Variants in KIAA1549 observed in about 807,000 individuals in gnomAD.
KIAA1549 encodes UPF0606 protein KIAA1549.
KIAA1549 carries 70 observed loss-of-function variants against 156.4 expected under a neutral mutation model. The observed-to-expected ratio is 0.45, with a 90% confidence interval of 0.37 to 0.55. The LOEUF (loss-of-function observed/expected upper bound fraction) is 0.55. Ranked by LOEUF, KIAA1549 falls within the 20% of genes least tolerant of loss-of-function variation. KIAA1549 has a pLI of 0.00. For synonymous variants in KIAA1549, 1,103 were observed against 1,066.4 expected (o/e 1.03, Z -0.67); for missense variants, 2,428 against 2,540.9 (o/e 0.96, Z 0.96).
chr7:138,887,344 G>A (rs1020286362), intron 10 of KIAA1549, among the ~76,000 whole-genome samples: 6 of 151,906 alleles, frequency 3.9e-5, no homozygotes, highest in South Asian at 4.2e-4. Flanking sequence ...TATTTAAAAC[G>A]TATTTAAATA....
Position 138,835,984 on chromosome 7 carries a change from TC to T in KIAA1549, c.*1921del. ...ACCAACTTCCCTCATATTGTAAGAC[TC>T]TAAATCTGTACAACAGGCTTCATTA... On this transcript the variant is annotated 3_prime_UTR_variant, in exon 20 of 20. Transcript: ENST00000422774. The T allele has an allele frequency of 4.7e-6, 1 of 211,574 alleles. No homozygotes were observed. The highest frequency in any genetic ancestry group is 9.6e-6 in the Non-Finnish European group (1 of 104,378). The allele number at this position is 211,574 out of a possible 1,614,324, so 13.1% of individuals were successfully genotyped here.
At chr7:138,975,849 G>A (rs978901205) in intron 1 of KIAA1549, among the ~76,000 whole-genome samples, 1 of 152,176 alleles carries the variant, frequency 6.6e-6, no homozygotes, top group Non-Finnish European at 1.5e-5. Context: ...GGCACTGATA[G>A]AAAACCTGTG....
At chr7:138,885,150 G>A (rs1045140129) in intron 10 of KIAA1549, among the ~76,000 whole-genome samples, 6 of 152,172 alleles carry the variant, frequency 3.9e-5, no homozygotes, top group Non-Finnish European at 8.8e-5. Context: ...AGCTGAGATC[G>A]AACCGTTGTA....
intron 19 of KIAA1549, 36 bp downstream of exon 19, chr7:138,840,096 TA>T: frequency 6.5e-7 from 1 of 1,534,684 alleles, no homozygotes; most frequent in Non-Finnish European, 8.8e-7. Flanking sequence ...GGCCTATGTC[TA>T]AATTTTAAAT....
intron 18 of KIAA1549, among the ~76,000 whole-genome samples, chr7:138,842,631 T>G (rs1809956415): frequency 6.6e-6 from 1 of 150,874 alleles, no homozygotes; most frequent in Admixed American, 6.6e-5. Context: ...AGGCGGAGGT[T>G]GCAGTGCGCC....
At chr7:138,871,070 G>GC (rs35334186) in intron 13 of KIAA1549, 87 bp downstream of exon 13, 16 of 1,280,384 alleles carry the variant, frequency 1.2e-5, no homozygotes, top group East Asian at 2.5e-5. Context: ...GCCTGCCTTG[G>GC]CCCCCCCAAG....
intron 12 of KIAA1549, among the ~76,000 whole-genome samples, chr7:138,877,884 A>G (rs748377232): frequency 1.1e-4 from 17 of 152,182 alleles, no homozygotes; most frequent in Non-Finnish European, 1.6e-4. Context: ...TTATTCTTAT[A>G]GAATATACTG....
intron 1 of KIAA1549, among the ~76,000 whole-genome samples, chr7:138,935,513 ATAATT>A (rs1313204606): frequency 6.6e-6 from 1 of 152,216 alleles, no homozygotes; most frequent in Admixed American, 6.5e-5. Flanking sequence ...TGTTTCTAAA[ATAATT>A]TAATTTAAAA....
intron 1 of KIAA1549, among the ~76,000 whole-genome samples, chr7:138,922,151 T>C (rs895469703): frequency 3.9e-5 from 6 of 152,234 alleles, no homozygotes; most frequent in African/African-American, 1.4e-4. Context: ...ATGTCTCAGC[T>C]CTGACTTTGT....
At position 138,835,686 on chromosome 7, in the gene KIAA1549, A is replaced by G. The variant is rs1809685898; in HGVS notation, c.*2220T>C. 4.6e-6 allele frequency: 1 copy of G among 217,878 alleles called. No individual in the cohort carries two copies. The highest frequency in any genetic ancestry group is 9.2e-6 in the Non-Finnish European group (1 of 108,534). 13.5% of individuals were successfully genotyped at this position (217,878 alleles called of 1,614,324 possible). A position where few individuals can be genotyped will look rare whatever the true frequency, so the allele number is the denominator to read the frequency against. On this transcript the variant is annotated 3_prime_UTR_variant, in exon 20 of 20. Transcript: ENST00000422774. ...AAATTCTTAATAACATATTCAGGAA[A>G]CCTGGTATTTTTGAGTGACATACAA...
At chr7:138,877,580 T>C (rs932593158) in intron 12 of KIAA1549, among the ~76,000 whole-genome samples, 1 of 152,246 alleles carries the variant, frequency 6.6e-6, no homozygotes, top group Non-Finnish European at 1.5e-5. Context: ...TAATTTTCTA[T>C]GCAAGCAATA....
chr7:138,835,565 C>A lies in KIAA1549; in HGVS notation c.*2341G>T, dbSNP rs537037842. Reference sequence around the variant, plus strand: ...ATGTGCAAGCCTGTATGGCCCTGAGCGGAACTGGGTGAGAAGGGGCCATTT... The same window carrying A: ...ATGTGCAAGCCTGTATGGCCCTGAGAGGAACTGGGTGAGAAGGGGCCATTT... On this transcript the variant is annotated 3_prime_UTR_variant, in exon 20 of 20. Coordinates refer to ENST00000422774, the MANE Select transcript of KIAA1549 (RefSeq NM_001164665.2). 2 of 223,924 alleles carry A rather than the reference C, an allele frequency of 8.9e-6. No homozygotes were observed. The highest frequency in any genetic ancestry group is 1.8e-4 in the South Asian group (1 of 5,444). 13.9% of individuals were successfully genotyped at this position (223,924 alleles called of 1,614,324 possible).
intron 10 of KIAA1549, among the ~76,000 whole-genome samples, chr7:138,890,000 G>C (rs1222542641): frequency 6.6e-6 from 1 of 152,162 alleles, no homozygotes; most frequent in Non-Finnish European, 1.5e-5. Flanking sequence ...GGTTTAATCA[G>C]TATTTTATAA....
At chr7:138,939,990 A>T (rs1813128979) in intron 1 of KIAA1549, among the ~76,000 whole-genome samples, 1 of 152,068 alleles carries the variant, frequency 6.6e-6, no homozygotes, top group East Asian at 1.9e-4. Flanking sequence ...CTACAAAAAA[A>T]ATTTTTTTTT....
intron 10 of KIAA1549, among the ~76,000 whole-genome samples, chr7:138,886,933 ACT>A: frequency 6.6e-6 from 1 of 151,916 alleles, no homozygotes; most frequent in Middle Eastern, 3.4e-3. Context: ...ATGGAGTCTC[ACT>A]CTGTTGCCCA....
At chr7:138,978,097 CA>C (rs1167548385) in intron 1 of KIAA1549, among the ~76,000 whole-genome samples, 2 of 151,948 alleles carry the variant, frequency 1.3e-5, no homozygotes, top group Non-Finnish European at 2.9e-5. Context: ...AAATAGTTTT[CA>C]AATAAGACTT....
intron 1 of KIAA1549, among the ~76,000 whole-genome samples, chr7:138,965,029 C>T (rs545207899): frequency 6.6e-6 from 1 of 150,378 alleles, no homozygotes; most frequent in Non-Finnish European, 1.5e-5. Flanking sequence ...GGTGCGATCT[C>T]GGCTCACTGC....
chr7:138,964,699 T>C (rs1813961990), intron 1 of KIAA1549, among the ~76,000 whole-genome samples: 1 of 152,186 alleles, frequency 6.6e-6, no homozygotes, highest in Non-Finnish European at 1.5e-5. Flanking sequence ...ACCTATGAGT[T>C]GGGCAAAGAC....
At chr7:138,868,176 C>G in intron 14 of KIAA1549, 48 bp from the exon 15 acceptor site, 1 of 1,568,462 alleles carries the variant, frequency 6.4e-7, no homozygotes. Flanking sequence ...ACCCTTTTTG[C>G]CACTGACTTA....
Sources: allele counts gnomAD v4.1 joint callset (sites outside exome capture counted in the v4.1 genomes callset), GRCh38; gene constraint gnomAD v4.1.1; transcripts MANE v1.5; gene names NCBI Gene and HGNC (gene_info 2026-07-23, HGNC 2026-07-21).